The following GOLGA2 variants were observed in gnomAD, a reference collection of about 807,000 sequenced individuals.
GOLGA2 encodes the protein golgin subfamily A member 2.
A neutral mutation model predicts 148.8 loss-of-function variants in GOLGA2; 49 were observed. That is an observed-to-expected ratio of 0.33 (90% confidence interval 0.26 to 0.42). The LOEUF (loss-of-function observed/expected upper bound fraction) is 0.42. Among genes scored for constraint, GOLGA2 ranks in the 10% least tolerant of loss-of-function variants. The pLI, the probability that GOLGA2 is intolerant of heterozygous loss-of-function variation, is 1.00. For missense variants in GOLGA2, 1,178 were observed against 1,304.6 expected, an observed-to-expected ratio of 0.90 and a Z score of 1.49; for synonymous variants, 501 against 511.8, an observed-to-expected ratio of 0.98 and a Z score of 0.28.
Position 128,266,068 on chromosome 9 carries a change from G to T in GOLGA2, c.682-48C>A. The T allele has an allele frequency of 6.6e-7, 1 of 1,516,114 alleles. No homozygotes were observed. Among genetic ancestry groups the T allele is most frequent in the Non-Finnish European group, 9.2e-7 (1 of 1,090,806 alleles). 93.9% of individuals were successfully genotyped at this position (1,516,114 alleles called of 1,614,324 possible). On this transcript the variant is annotated intron_variant, in intron 9 of 26. Transcript: ENST00000611957. The surrounding 1 kb of genome is among the most constrained non-coding windows in gnomAD (Gnocchi z 4.2). ...CTCTTACGAGGGGGAGGCAGAGACG[G>T]CACAGCAAGGGACATGCCCCCAGAA...
chr9:128,256,199 G>C lies in GOLGA2; in HGVS notation c.*868C>G, dbSNP rs1006805697. The C allele has an allele frequency of 4.6e-5, 7 of 152,580 alleles. No individual in the cohort carries two copies. Among genetic ancestry groups the C allele is most frequent in the African/African-American group, 1.7e-4 (7 of 41,458 alleles). The allele number at this position is 152,580 out of a possible 1,614,324, so 9.5% of individuals were successfully genotyped here. On this transcript the variant is annotated 3_prime_UTR_variant, in exon 27 of 27. Coordinates refer to ENST00000611957, the MANE Select transcript of GOLGA2 (RefSeq NM_001366244.2). ...CCCCTGAGGGAAAAATTGCTTTGGT[G>C]AGAGTAAGGAGGCCATGAGGCCTCT...
chr9:128,265,923 G>GA, intron 10 of GOLGA2, 42 bp from the exon 11 acceptor site: 7 of 1,606,546 alleles, frequency 4.4e-6, no homozygotes, highest in Non-Finnish European at 6.0e-6. Context: ...AAGAAGGAAA[G>GA]AAACATTCTC....
At chr9:128,264,220 T>C (rs1313485289) in intron 12 of GOLGA2, among the ~76,000 whole-genome samples, 1 of 150,572 alleles carries the variant, frequency 6.6e-6, no homozygotes, top group Non-Finnish European at 1.5e-5. Flanking sequence ...CGAATTTATG[T>C]ATGTACGTAT....
intron 1 of GOLGA2, chr9:128,275,482 T>A: frequency 7.7e-7 from 1 of 1,301,898 alleles, no homozygotes; most frequent in South Asian, 2.7e-5. Flanking sequence ...GAGGTCCGGT[T>A]TGGGGCGGCA....
chr9:128,257,720 A>G lies in GOLGA2; in HGVS notation c.2612-13T>C. 2 of 1,613,058 alleles carry G rather than the reference A, an allele frequency of 1.2e-6. No individual in the cohort carries two copies. Among genetic ancestry groups the G allele is most frequent in the Non-Finnish European group, 8.5e-7 (1 of 1,179,052 alleles). ...GCAATGTACTCTCCTGCGGGAGGAC[A>G]GGGCTCAGATGCTGGGTTCCCTCCG... On this transcript the variant is annotated splice_polypyrimidine_tract_variant and intron_variant, in intron 24 of 26. Transcript: ENST00000611957. The surrounding 1 kb of genome is among the most constrained non-coding windows in gnomAD (Gnocchi z 8.0).
chr9:128,263,292 C>T (rs1830387467), intron 12 of GOLGA2, among the ~76,000 whole-genome samples, 200 bp from the exon 13 acceptor site: 1 of 152,196 alleles, frequency 6.6e-6, no homozygotes, highest in Non-Finnish European at 1.5e-5. Context: ...CTCCCTCTGT[C>T]ACCCAGGCTG....
intron 11 of GOLGA2, 36 bp downstream of exon 11, chr9:128,265,752 C>T (rs1213563596): frequency 6.2e-7 from 1 of 1,609,580 alleles, no homozygotes; most frequent in African/African-American, 1.3e-5. Flanking sequence ...TGTCAAAGTG[C>T]CAGGTTGAAG....
intron 3 of GOLGA2, 77 bp from the exon 4 acceptor site, chr9:128,268,601 A>C (rs111848908): frequency 1.8e-5 from 13 of 730,892 alleles, no homozygotes; most frequent in African/African-American, 1.7e-4. Context: ...AGGGTGTGGA[A>C]CAGGTAGGAC....
chr9:128,259,404 C>T lies in GOLGA2; in HGVS notation c.1873-13G>A, dbSNP rs752733813. 8 of 1,542,482 alleles carry T rather than the reference C, an allele frequency of 5.2e-6. No individual in the cohort carries two copies. In the East Asian group the frequency reaches 1.9e-4, roughly 36 times the overall value. ...TCTTCAGCTCCACCTGTAGGAAGACCCTGGGCGTGAGGGCAGGTGGTGGCC... is the reference window on the plus strand; with the variant it reads ...TCTTCAGCTCCACCTGTAGGAAGACTCTGGGCGTGAGGGCAGGTGGTGGCC... On this transcript the variant is annotated splice_polypyrimidine_tract_variant and intron_variant, in intron 19 of 26. Transcript: ENST00000611957.
chr9:128,257,921 C>A lies in GOLGA2; in HGVS notation c.2509-29G>T, dbSNP rs370467037. The A allele has an allele frequency of 6.2e-7, 1 of 1,609,932 alleles. No homozygotes were observed. The highest frequency in any genetic ancestry group is 8.5e-7 in the Non-Finnish European group (1 of 1,176,292). On this transcript the variant is annotated intron_variant, in intron 23 of 26. Transcript: ENST00000611957. The surrounding 1 kb of genome is among the most constrained non-coding windows in gnomAD (Gnocchi z 8.0). ...GAACCAAAATAATGGAGTCATATAT[C>A]GGCAGCGACCTGCCCCGCCCCCACC...
rs770790717 is a variant in GOLGA2, at chr9:128,266,281, C to A, written c.681+6G>T. 4.3e-6 allele frequency: 7 copies of A among 1,610,370 alleles called. No individual in the cohort carries two copies. The Admixed American group carries it at 1.2e-4, about 27-fold the overall frequency. ...ATGTTGTGAGCAAACAAAGAAATCA[C>A]GTTACTTCTTCCAACTGATCCGTAA... On this transcript the variant is annotated splice_donor_region_variant and intron_variant, in intron 9 of 26. Transcript: ENST00000611957. This position sits in a 1 kb window ranked among gnomAD's most constrained non-coding sequence, Gnocchi z 4.2.
In GOLGA2 at chr9:128,258,757, C is replaced by T. The variant is rs1222044871; in HGVS notation, c.2174-187G>A. ...TCGCTATGCTGCCCAGGTGCAGTCC[C>T]ACTACCGATCAGCATGGGAGTTCTG... On this transcript the variant is annotated intron_variant, in intron 21 of 26. Coordinates refer to ENST00000611957, the MANE Select transcript of GOLGA2 (RefSeq NM_001366244.2). This position sits in a 1 kb window ranked among gnomAD's most constrained non-coding sequence, Gnocchi z 6.6. The T allele has an allele frequency of 3.3e-6, 2 of 615,070 alleles. No individual in the cohort carries two copies. Among genetic ancestry groups the T allele is most frequent in the Admixed American group, 2.9e-5 (1 of 34,156 alleles). 38.1% of individuals were successfully genotyped at this position (615,070 alleles called of 1,614,324 possible).
chr9:128,262,966 C>G (rs1830363713), intron 13 of GOLGA2, 68 bp downstream of exon 13: 1 of 1,085,332 alleles, frequency 9.2e-7, no homozygotes, highest in Non-Finnish European at 1.4e-6. Context: ...ACCTGTACCC[C>G]CCACCTCCCA....
chr9:128,257,670 C>G lies in GOLGA2; in HGVS notation c.2649G>C (p.Val883=). The G allele has an allele frequency of 6.2e-7, 1 of 1,614,198 alleles. No individual in the cohort carries two copies. The highest frequency in any genetic ancestry group is 8.5e-7 in the Non-Finnish European group (1 of 1,180,034). The change falls in exon 25 of 27, where the codon GTG becomes GTC. Residue 883 remains valine, a synonymous_variant. Coordinates refer to ENST00000611957, the MANE Select transcript of GOLGA2 (RefSeq NM_001366244.2). This position sits in a 1 kb window ranked among gnomAD's most constrained non-coding sequence, Gnocchi z 8.0. ...CCTTCTCCCGGTGCCGCTCCTTCAG[C>G]ACTGCCCTCTGGCTCTGGTACAGTG... ...YIALYQSQRA[V]LKERHREKEE...
In GOLGA2 at chr9:128,258,955, T is replaced by TC; in HGVS notation, c.2173+51dup. On this transcript the variant is annotated intron_variant, in intron 21 of 26. Transcript: ENST00000611957. This position sits in a 1 kb window ranked among gnomAD's most constrained non-coding sequence, Gnocchi z 6.6. Reference sequence around the variant, plus strand: ...CTCCTCAATTCTACGCTGCTAACAGTCCCCCCTTCTTCCTGGGGCTCTCTC... The same window carrying TC: ...CTCCTCAATTCTACGCTGCTAACAGTCCCCCCCTTCTTCCTGGGGCTCTCTC... 2 of 1,154,892 alleles carry TC rather than the reference T, an allele frequency of 1.7e-6. No individual in the cohort carries two copies. Among genetic ancestry groups the TC allele is most frequent in the Non-Finnish European group, 2.6e-6 (2 of 770,888 alleles). 71.5% of individuals were successfully genotyped at this position (1,154,892 alleles called of 1,614,324 possible).
In GOLGA2 at chr9:128,258,392, A is replaced by G; in HGVS notation, c.2289+63T>C. ...AGAAGGCCGGGAAACCAAGAGCAGA[A>G]GGGGGTCTGGGAGGGACCACAGAGG... On this transcript the variant is annotated intron_variant, in intron 22 of 26. Transcript: ENST00000611957. This position sits in a 1 kb window ranked among gnomAD's most constrained non-coding sequence, Gnocchi z 6.6. The G allele has an allele frequency of 7.0e-7, 1 of 1,428,554 alleles. No homozygotes were observed. Among genetic ancestry groups the G allele is most frequent in the Non-Finnish European group, 9.9e-7 (1 of 1,013,916 alleles). The allele number at this position is 1,428,554 out of a possible 1,614,324, so 88.5% of individuals were successfully genotyped here.
intron 19 of GOLGA2, 92 bp downstream of exon 19, chr9:128,259,984 T>C: frequency 1.2e-6 from 1 of 862,304 alleles, no homozygotes; most frequent in South Asian, 1.3e-5. Context: ...GGGTCACCTG[T>C]GCCCCAGGCT....
Position 128,271,402 on chromosome 9 carries a change from G to A in GOLGA2, c.288+1383C>T, listed in dbSNP as rs1394800342. On this transcript the variant is annotated intron_variant, in intron 3 of 26. Transcript: ENST00000611957. The surrounding 1 kb of genome is among the most constrained non-coding windows in gnomAD (Gnocchi z 4.4). ...CCATACCCATCTCCAACAGGATCAG[G>A]CTCTATTCGTGCCCTGCTCCTCTGG... 6.6e-6 allele frequency among the ~76,000 whole-genome samples: 1 copy of A among 152,174 alleles called. No individual in the cohort carries two copies. Among genetic ancestry groups the A allele is most frequent in the Non-Finnish European group, 1.5e-5 (1 of 68,034 alleles).
Position 128,260,620 on chromosome 9 carries a change from C to T in GOLGA2, c.1603G>A (p.Glu535Lys). 1.2e-6 allele frequency: 2 copies of T among 1,611,526 alleles called. No individual in the cohort carries two copies. The highest frequency in any genetic ancestry group is 2.2e-5 in the East Asian group (1 of 44,872). Residue 535 changes from glutamate (E) to lysine (K), a missense_variant, in exon 18 of 27, where the codon GAG (glutamate) becomes AAG (lysine). By Grantham distance (56) the Glu-to-Lys change is moderately conservative. Transcript: ENST00000611957. This position sits in a 1 kb window ranked among gnomAD's most constrained non-coding sequence, Gnocchi z 4.8. ...REQEERLLEL[E>K]RAAELWGEQA... ...TCCCCCCAGAGCTCGGCCGCCCGCT[C>T]CAGCTCCAGCAGCCTCTCCTCCTGC...
Sources: allele counts gnomAD v4.1 joint callset (sites outside exome capture counted in the v4.1 genomes callset), GRCh38; gene constraint gnomAD v4.1.1; non-coding constraint Gnocchi (gnomAD v3.1); transcripts MANE v1.5; gene names NCBI Gene and HGNC (gene_info 2026-07-23, HGNC 2026-07-21).